Variants in SETBP1 observed in about 807,000 individuals in gnomAD.
SETBP1 encodes SET-binding protein.
SETBP1 carries 9 observed loss-of-function variants against 101.0 expected under a neutral mutation model. That is an observed-to-expected ratio of 0.09 (90% CI 0.05 to 0.16). The LOEUF (loss-of-function observed/expected upper bound fraction) is 0.16. Ranked by LOEUF, SETBP1 falls within the 10% of genes least tolerant of loss-of-function variation. SETBP1 has a pLI of 1.00. For missense variants in SETBP1, 1,858 were observed against 2,033.8 expected (o/e 0.91, Z 1.66); for synonymous variants, 818 against 788.5 (o/e 1.04, Z -0.63).
intron 3 of SETBP1, among the ~76,000 whole-genome samples, chr18:44,932,433 C>T (rs1338666556): frequency 5.3e-5 from 8 of 152,112 alleles, no homozygotes; most frequent in African/African-American, 2.4e-5. Flanking sequence ...TTGCTCTTCT[C>T]GAGGAGGATC....
chr18:44,731,922 G>C (rs754217611), intron 2 of SETBP1, among the ~76,000 whole-genome samples: 1 of 152,170 alleles, frequency 6.6e-6, no homozygotes, highest in Non-Finnish European at 1.5e-5. Flanking sequence ...CTGATTGTTT[G>C]CCCTGATAAG....
At chr18:45,038,814 T>A (rs1175289738) in intron 5 of SETBP1, among the ~76,000 whole-genome samples, 159 bp downstream of exon 5, 1 of 152,048 alleles carries the variant, frequency 6.6e-6, no homozygotes, top group Non-Finnish European at 1.5e-5. Flanking sequence ...CTCTTTGAAG[T>A]GGGAGGAGAT....
chr18:44,712,979 TACAG>T (rs2069377936), intron 2 of SETBP1, among the ~76,000 whole-genome samples: 1 of 117,118 alleles, frequency 8.5e-6, no homozygotes, highest in Non-Finnish European at 1.7e-5. Context: ...TTTTTTTTGA[TACAG>T]AGTCTTGCTC....
At position 44,844,353 on chromosome 18, in the gene SETBP1, G is replaced by GCACACA. The variant is rs35801562; in HGVS notation, c.487-24863_487-24858dup. The stretch of plus-strand genomic sequence containing the variant: ...CACACACACACGTGCACACACGCGC[G>GCACACA]CACACACACACACACACACTATTAA... On this transcript the variant is annotated intron_variant, in intron 2 of 5. Coordinates refer to ENST00000649279, the MANE Select transcript of SETBP1 (RefSeq NM_015559.3). Among the ~76,000 whole-genome samples the GCACACA allele has an allele frequency of 3.3e-4, 45 of 138,302 alleles. No homozygotes were observed. In the South Asian group the frequency reaches 5.3e-3, roughly 16 times the overall value. 90.7% of individuals were successfully genotyped at this position (138,302 alleles called of 152,430 possible). A position where few individuals can be genotyped will look rare whatever the true frequency, so the allele number is the denominator to read the frequency against.
chr18:44,796,861 T>G (rs1464610455), intron 2 of SETBP1, among the ~76,000 whole-genome samples: 1 of 152,156 alleles, frequency 6.6e-6, no homozygotes, highest in Non-Finnish European at 1.5e-5. Context: ...ACACCACTTT[T>G]ATCAACTGTG....
chr18:44,781,847 A>G (rs1284125770), intron 2 of SETBP1, among the ~76,000 whole-genome samples: 2 of 152,202 alleles, frequency 1.3e-5, no homozygotes, highest in Non-Finnish European at 2.9e-5. Context: ...GAAGTGTAAA[A>G]TGAAGAAGTC....
chr18:44,999,956 A>G (rs895147111), intron 4 of SETBP1, among the ~76,000 whole-genome samples: 1 of 152,252 alleles, frequency 6.6e-6, no homozygotes, highest in Admixed American at 6.5e-5. Flanking sequence ...AGAATAAGCA[A>G]AACACAAAAA....
chr18:44,892,141 A>G (rs1434431604), intron 3 of SETBP1, among the ~76,000 whole-genome samples: 1 of 152,184 alleles, frequency 6.6e-6, no homozygotes, highest in Non-Finnish European at 1.5e-5. Flanking sequence ...TGAGGAGTTT[A>G]TTTGGAGCCT....
intron 2 of SETBP1, among the ~76,000 whole-genome samples, chr18:44,777,319 C>A (rs1233168951): frequency 1.3e-5 from 2 of 152,190 alleles, no homozygotes; most frequent in Non-Finnish European, 2.9e-5. Context: ...TGGCCACTAT[C>A]TCACCATTCT....
chr18:44,779,223 A>G (rs886183423), intron 2 of SETBP1, among the ~76,000 whole-genome samples: 5 of 152,120 alleles, frequency 3.3e-5, no homozygotes, highest in African/African-American at 1.2e-4. Context: ...GAGGCAGGGT[A>G]TGTGTGATGC....
intron 2 of SETBP1, among the ~76,000 whole-genome samples, chr18:44,755,012 A>C (rs1599079143): frequency 6.6e-6 from 1 of 152,230 alleles, no homozygotes; most frequent in African/African-American, 2.4e-5. Flanking sequence ...ATCTATCTCC[A>C]AACTATCTTA....
In SETBP1 at chr18:44,951,353, A is replaced by T. The variant is rs1476886999; in HGVS notation, c.2013A>T (p.Thr671=). 1.8e-5 allele frequency: 29 copies of T among 1,613,904 alleles called. No homozygotes were observed. The highest frequency in any genetic ancestry group is 2.1e-5 in the Non-Finnish European group (25 of 1,180,052). ...KTIKTINKMK[T]LKRKNILNQI... ...TCAAAACTATCAATAAGATGAAGAC[A>T]CTCAAGAGGAAAAACATCTTGAATC... is the stretch of plus-strand genomic sequence containing the variant. Residue 671 remains threonine, a synonymous_variant, in exon 4 of 6, where the codon ACA becomes ACT. Transcript: ENST00000649279. This position sits in a 1 kb window ranked among gnomAD's most constrained non-coding sequence, Gnocchi z 7.8.
intron 4 of SETBP1, among the ~76,000 whole-genome samples, chr18:44,962,886 G>A (rs2071641301): frequency 6.6e-6 from 1 of 152,124 alleles, no homozygotes; most frequent in Admixed American, 6.5e-5. Context: ...CTTGTTGATG[G>A]AGGATCTGAG....
chr18:44,686,602 C>T (rs1228051616), intron 1 of SETBP1, among the ~76,000 whole-genome samples: 3 of 152,156 alleles, frequency 2.0e-5, no homozygotes, highest in Non-Finnish European at 4.4e-5. Flanking sequence ...CAGCCCTGAA[C>T]CTTATTTATG....
intron 2 of SETBP1, among the ~76,000 whole-genome samples, chr18:44,855,659 A>G (rs2072959973): frequency 6.6e-6 from 1 of 152,202 alleles, no homozygotes; most frequent in Non-Finnish European, 1.5e-5. Context: ...GGGAGTATTT[A>G]CACTATGGAA....
At chr18:44,972,551 T>C (rs961074164) in intron 4 of SETBP1, among the ~76,000 whole-genome samples, 6 of 152,202 alleles carry the variant, frequency 3.9e-5, no homozygotes, top group Admixed American at 6.5e-5. Flanking sequence ...TTTTATTTCA[T>C]TGAGCAGTGG....
intron 3 of SETBP1, among the ~76,000 whole-genome samples, chr18:44,908,392 A>G (rs778184561): frequency 4.0e-5 from 6 of 151,384 alleles, no homozygotes; most frequent in Admixed American, 1.3e-4. Context: ...CTTCTTCTCC[A>G]CTTTCTTCTT....
intron 3 of SETBP1, among the ~76,000 whole-genome samples, chr18:44,910,238 A>G (rs559726588): frequency 1.3e-5 from 2 of 152,270 alleles, no homozygotes; most frequent in East Asian, 3.9e-4. Flanking sequence ...CATCATACAC[A>G]TTGCTGCTGT....
intron 5 of SETBP1, among the ~76,000 whole-genome samples, chr18:45,062,115 T>A (rs960877570): frequency 1.3e-5 from 2 of 152,232 alleles, no homozygotes; most frequent in African/African-American, 4.8e-5. Flanking sequence ...GGAGGAATGG[T>A]TGGCTATATC....
Sources: gnomAD v4.1 joint callset for allele counts (sites outside exome capture counted in the v4.1 genomes callset) on GRCh38, gnomAD v4.1.1 for gene constraint, Gnocchi (gnomAD v3.1) non-coding constraint, MANE v1.5 for transcripts, NCBI Gene and HGNC (gene_info 2026-07-23, HGNC 2026-07-21) for gene names.